The following PCDHA7 variants were observed in gnomAD, a reference collection of about 807,000 sequenced individuals.
PCDHA7 encodes the protein protocadherin alpha 7, also known as protocadherin alpha-7.
In PCDHA7, 37 loss-of-function variants were observed where a neutral mutation model predicts 57.2. That is an observed-to-expected ratio of 0.65 (90% CI 0.50 to 0.85). The LOEUF (loss-of-function observed/expected upper bound fraction) is 0.85. Among genes scored for constraint, PCDHA7 ranks in the 40% least tolerant of loss-of-function variants. PCDHA7 has a pLI of 0.00. For missense variants in PCDHA7, 1,188 were observed against 1,241.8 expected (o/e 0.96, Z 0.65); for synonymous variants, 553 against 558.8 (o/e 0.99, Z 0.15).
intron 1 of PCDHA7, among the ~76,000 whole-genome samples, chr5:140,959,348 G>A (rs991931151): frequency 7.2e-5 from 11 of 151,992 alleles, no homozygotes; most frequent in Middle Eastern, 6.3e-3. Flanking sequence ...GCACTCCAGC[G>A]GGACAACTGA....
chr5:140,848,879 C>T (rs2150423372), intron 1 of PCDHA7: 26 of 1,590,952 alleles, frequency 1.6e-5, no homozygotes, highest in Admixed American at 1.2e-4. Flanking sequence ...ACATTAACGA[C>T]AACCCTCCAG....
intron 1 of PCDHA7, among the ~76,000 whole-genome samples, chr5:140,912,566 T>G (rs1562988008): frequency 2.0e-5 from 3 of 152,178 alleles, no homozygotes; most frequent in Admixed American, 1.3e-4. Context: ...CAGTTTTAAC[T>G]TCCTCTTTTC....
At chr5:140,840,154 A>G (rs1212681369) in intron 1 of PCDHA7, among the ~76,000 whole-genome samples, 1 of 152,048 alleles carries the variant, frequency 6.6e-6, no homozygotes, top group Admixed American at 6.6e-5. Flanking sequence ...ACGTGAAAGG[A>G]GAGATGGGAT....
At chr5:140,938,805 A>G (rs367644327) in intron 1 of PCDHA7, among the ~76,000 whole-genome samples, 3 of 152,162 alleles carry the variant, frequency 2.0e-5, no homozygotes, top group East Asian at 3.9e-4. Context: ...TCGGTACCAC[A>G]AACCCCTGTG....
intron 1 of PCDHA7, among the ~76,000 whole-genome samples, chr5:140,838,385 A>G (rs1344951461): frequency 2.0e-5 from 3 of 151,298 alleles, no homozygotes; most frequent in Admixed American, 6.6e-5. Flanking sequence ...CAGCCTCCCA[A>G]TGTGCTGGGA....
In PCDHA7 at chr5:140,843,032, G is replaced by A. The variant is rs2150350640; in HGVS notation, c.2355+6294G>A. The stretch of plus-strand genomic sequence containing the variant: ...GCCGGCACTGCTGGAGCCTCGGGTG[G>A]GTGGCACTGGTGGCGCAGCGAGCAA... On this transcript the variant is annotated intron_variant, in intron 1 of 3. Coordinates refer to ENST00000525929, the MANE Select transcript of PCDHA7 (RefSeq NM_018910.3). 13 of 1,595,002 alleles carry A rather than the reference G, an allele frequency of 8.2e-6. 1 individual carries two copies. In the South Asian group the frequency reaches 1.1e-4, roughly 14 times the overall value.
chr5:141,010,403 G>T lies in PCDHA7; in HGVS notation c.*466G>T. ...ATATTGGCTGAGACGAGCCAGCTTA[G>T]ACTAATTGGTACAAGGAAGGCAAGA... On this transcript the variant is annotated 3_prime_UTR_variant, in exon 4 of 4. Transcript: ENST00000525929. 2 of 1,285,614 alleles carry T rather than the reference G, an allele frequency of 1.6e-6. No individual in the cohort carries two copies. Among genetic ancestry groups the T allele is most frequent in the Non-Finnish European group, 2.1e-6 (2 of 956,000 alleles). The allele number at this position is 1,285,614 out of a possible 1,614,324, so 79.6% of individuals were successfully genotyped here. A position where few individuals can be genotyped will look rare whatever the true frequency, so the allele number is the denominator to read the frequency against.
intron 1 of PCDHA7, chr5:140,928,484 G>A (rs1371678688): frequency 1.5e-5 from 25 of 1,614,026 alleles, no homozygotes; most frequent in African/African-American, 4.0e-5. Context: ...CGGGATGGTG[G>A]CATTCCTCCC....
chr5:140,857,059 G>A lies in PCDHA7; in HGVS notation c.2355+20321G>A. On this transcript the variant is annotated intron_variant, in intron 1 of 3. Transcript: ENST00000525929. The stretch of plus-strand genomic sequence containing the variant: ...TGGTTGGTCACTGCACGGTCCTAGT[G>A]GAACTACTGGATGAAAATGATAATT... The A allele has an allele frequency of 4.4e-6, 7 of 1,594,522 alleles. 2 individuals are homozygous for A. The highest frequency in any genetic ancestry group is 6.0e-6 in the Non-Finnish European group (7 of 1,164,610).
chr5:140,888,754 CT>C (rs782694187), intron 1 of PCDHA7, among the ~76,000 whole-genome samples: 16 of 148,604 alleles, frequency 1.1e-4, no homozygotes, highest in East Asian at 2.0e-4. Flanking sequence ...ATTCTACCCA[CT>C]TTTTTTTTTA....
intron 1 of PCDHA7, among the ~76,000 whole-genome samples, chr5:140,902,720 C>A (rs371638113): frequency 6.6e-6 from 1 of 152,050 alleles, no homozygotes; most frequent in African/African-American, 2.4e-5. Flanking sequence ...CCCCTCCCAC[C>A]CTTCCCTCCA....
chr5:140,892,507 C>T (rs1261497068), intron 1 of PCDHA7, among the ~76,000 whole-genome samples: 1 of 152,162 alleles, frequency 6.6e-6, no homozygotes, highest in Non-Finnish European at 1.5e-5. Context: ...TTAAGAAGTT[C>T]CACCATGACT....
chr5:140,957,038 C>T (rs534661886), intron 1 of PCDHA7, among the ~76,000 whole-genome samples: 1 of 152,048 alleles, frequency 6.6e-6, no homozygotes, highest in South Asian at 2.1e-4. Context: ...TTATGGGAGT[C>T]ATATAAAATA....
intron 1 of PCDHA7, chr5:140,842,872 G>A (rs1554139490): frequency 4.4e-6 from 7 of 1,594,088 alleles, no homozygotes; most frequent in Middle Eastern, 2.1e-4. Context: ...GCGGCAAGGT[G>A]TACGCGCTGC....
intron 1 of PCDHA7, among the ~76,000 whole-genome samples, chr5:140,893,957 G>T (rs1308768731): frequency 1.3e-5 from 2 of 152,100 alleles, no homozygotes; most frequent in African/African-American, 4.8e-5. Context: ...GACTTTATTA[G>T]TCATTAGATA....
In PCDHA7 at chr5:140,841,621, G is replaced by A. The variant is rs2150319619; in HGVS notation, c.2355+4883G>A. 7.4e-6 allele frequency: 12 copies of A among 1,614,032 alleles called. No homozygotes were observed. The African/African-American group carries it at 1.3e-4, about 18-fold the overall frequency. On this transcript the variant is annotated intron_variant, in intron 1 of 3. Coordinates refer to ENST00000525929, the MANE Select transcript of PCDHA7 (RefSeq NM_018910.3). ...GCGAGGAGCTGTGCGGGCGGAGCGC[G>A]GAGTGCAGCATCCACCTGGAGGTGA...
At chr5:140,987,432 T>G (rs1401623974) in intron 3 of PCDHA7, among the ~76,000 whole-genome samples, 1 of 152,152 alleles carries the variant, frequency 6.6e-6, no homozygotes, top group Non-Finnish European at 1.5e-5. Flanking sequence ...GCAGGGGGCC[T>G]TTCCCCATGC....
Position 140,843,003 on chromosome 5 carries a change from A to G in PCDHA7, c.2355+6265A>G, listed in dbSNP as rs2150349772. 1.9e-6 allele frequency: 3 copies of G among 1,594,854 alleles called. No individual in the cohort carries two copies. The African/African-American group carries it at 4.0e-5, about 21-fold the overall frequency. On this transcript the variant is annotated intron_variant, in intron 1 of 3. Coordinates refer to ENST00000525929, the MANE Select transcript of PCDHA7 (RefSeq NM_018910.3). ...GTGTTCGTGCTGGACGAGAATGACAACGCGCCGGCACTGCTGGAGCCTCGG... is the reference window on the plus strand; with the variant it reads ...GTGTTCGTGCTGGACGAGAATGACAGCGCGCCGGCACTGCTGGAGCCTCGG...
At chr5:140,970,815 A>G (rs782758365) in intron 1 of PCDHA7, among the ~76,000 whole-genome samples, 2 of 152,114 alleles carry the variant, frequency 1.3e-5, no homozygotes, top group Non-Finnish European at 2.9e-5. Flanking sequence ...TTTCAAGTTC[A>G]TGGTAATCTT....
Sources: gnomAD v4.1 joint callset for allele counts (sites outside exome capture counted in the v4.1 genomes callset) on GRCh38, gnomAD v4.1.1 for gene constraint, MANE v1.5 for transcripts, NCBI Gene and HGNC (gene_info 2026-07-23, HGNC 2026-07-21) for gene names.